FBXL7: variants seen among roughly 807,000 people sequenced by gnomAD.
FBXL7 encodes the protein F-box/LRR-repeat protein 7.
In FBXL7, 12 loss-of-function variants were observed where a neutral mutation model predicts 38.3. The observed-to-expected ratio is 0.31, with a 90% confidence interval of 0.20 to 0.51. The LOEUF (loss-of-function observed/expected upper bound fraction) is 0.51, where lower values mean the gene tolerates loss of function less well. FBXL7 is among the 20% of genes least tolerant of loss of function. The probability of loss-of-function intolerance (pLI) is 0.98; values close to 1 mark genes in which losing one functional copy is unlikely to be tolerated. For synonymous variants in FBXL7, 297 were observed against 300.9 expected (o/e 0.99, Z 0.13); for missense variants, 567 against 676.4 (o/e 0.84, Z 1.79).
chr5:15,673,065 G>A (rs572606604), intron 2 of FBXL7, among the ~76,000 whole-genome samples: 67 of 152,044 alleles, frequency 4.4e-4, no homozygotes, highest in Middle Eastern at 3.4e-3. Context: ...AGTGGCTCAC[G>A]CCTGTAATCC....
chr5:15,864,756 G>C (rs1321404591), intron 2 of FBXL7, among the ~76,000 whole-genome samples: 1 of 152,180 alleles, frequency 6.6e-6, no homozygotes, highest in Non-Finnish European at 1.5e-5. Flanking sequence ...GGTTTACGTT[G>C]CAGTAGAATA....
intron 2 of FBXL7, among the ~76,000 whole-genome samples, chr5:15,639,773 T>A (rs1741299559): frequency 6.6e-6 from 1 of 151,498 alleles, no homozygotes; most frequent in Admixed American, 6.6e-5. Context: ...CAATGAACAT[T>A]ATTCTTAATA....
intron 2 of FBXL7, among the ~76,000 whole-genome samples, chr5:15,623,512 T>C (rs550457667): frequency 1.3e-5 from 2 of 152,362 alleles, no homozygotes; most frequent in South Asian, 4.1e-4. Flanking sequence ...TGAGTTCTCA[T>C]GTTTTCAGTG....
intron 2 of FBXL7, among the ~76,000 whole-genome samples, chr5:15,765,149 C>G (rs955848319): frequency 6.6e-6 from 1 of 152,070 alleles, no homozygotes; most frequent in African/African-American, 2.4e-5. Flanking sequence ...TGTAAAAACC[C>G]TTCTTGGTGC....
intron 2 of FBXL7, among the ~76,000 whole-genome samples, chr5:15,840,768 A>C (rs1738724711): frequency 6.7e-6 from 1 of 149,672 alleles, no homozygotes; most frequent in African/African-American, 2.5e-5. Flanking sequence ...AATCGCTTGA[A>C]CCCAGGAGGT....
At position 15,928,037 on chromosome 5, in the gene FBXL7, C is replaced by A; in HGVS notation, c.275C>A (p.Pro92His). The A allele has an allele frequency of 1.8e-6, 1 of 549,260 alleles. No individual in the cohort carries two copies. Among genetic ancestry groups the A allele is most frequent in the South Asian group, 1.4e-5 (1 of 70,528 alleles). 34.0% of individuals were successfully genotyped at this position (549,260 alleles called of 1,614,324 possible). ...ACGGTGGCCATGGTGCACTCCCCGC[C>A]CCCGACCCGCCTCACACACCCGCTC... ...GETVAMVHSPPPTRLTHPLIR... is the reference protein window; with the variant it reads ...GETVAMVHSPHPTRLTHPLIR... The change falls in exon 3 of 4, where the codon CCC becomes CAC. Residue 92 changes from proline to histidine, a missense_variant. Coordinates refer to ENST00000504595, the MANE Select transcript of FBXL7 (RefSeq NM_012304.5). The surrounding 1 kb of genome is among the most constrained non-coding windows in gnomAD (Gnocchi z 4.0).
chr5:15,761,951 T>C (rs1451559976), intron 2 of FBXL7, among the ~76,000 whole-genome samples: 4 of 152,252 alleles, frequency 2.6e-5, no homozygotes, highest in Admixed American at 6.5e-5. Flanking sequence ...TATCAATTGC[T>C]GTGTAACAAA....
intron 1 of FBXL7, among the ~76,000 whole-genome samples, chr5:15,597,987 G>A (rs562455227): frequency 1.4e-4 from 21 of 152,294 alleles, no homozygotes; most frequent in African/African-American, 5.1e-4. Flanking sequence ...TTTTATAGAA[G>A]CCAGACCTTT....
intron 2 of FBXL7, among the ~76,000 whole-genome samples, chr5:15,825,735 A>G (rs1738293000): frequency 6.6e-6 from 1 of 152,200 alleles, no homozygotes; most frequent in East Asian, 1.9e-4. Context: ...CCCTGTTCTC[A>G]TATGGTTTTT....
chr5:15,936,731 G>A lies in FBXL7; in HGVS notation c.1021G>A (p.Gly341Ser), dbSNP rs572203316. Residue 341 changes from glycine (G) to serine (S), a missense_variant, in exon 4 of 4, where the codon GGC becomes AGC. By Grantham distance (56) the Gly-to-Ser change is moderately conservative. Coordinates refer to ENST00000504595, the MANE Select transcript of FBXL7 (RefSeq NM_012304.5). This position sits in a 1 kb window ranked among gnomAD's most constrained non-coding sequence, Gnocchi z 6.0. ...VSDCRFVSDF[G>S]LREIAKLESR... is the part of the protein sequence containing the mutation. ...CGACTGCCGCTTCGTCAGCGACTTC[G>A]GCCTGCGGGAGATCGCCAAGCTGGA... 3 of 1,608,914 alleles carry A rather than the reference G, an allele frequency of 1.9e-6. No individual in the cohort carries two copies. Among genetic ancestry groups the A allele is most frequent in the East Asian group, 2.2e-5 (1 of 44,820 alleles).
rs560323006 is a variant in FBXL7 at position 15,523,930 on chromosome 5, T to A, written c.37+23217T>A. On this transcript the variant is annotated intron_variant, in intron 1 of 3. Transcript: ENST00000504595. ...GGGGAGAATGGATTTTGCAGAAGAATCAGAAGTTTTACAGTATGAGCTAAT... is the reference window on the plus strand; with the variant it reads ...GGGGAGAATGGATTTTGCAGAAGAAACAGAAGTTTTACAGTATGAGCTAAT... Among the ~76,000 whole-genome samples, 43 of 152,312 alleles carry A rather than the reference T, an allele frequency of 2.8e-4. No homozygotes were observed. In the South Asian group the frequency reaches 8.3e-3, roughly 29 times the overall value.
intron 2 of FBXL7, among the ~76,000 whole-genome samples, chr5:15,712,054 C>T (rs761441031): frequency 2.0e-5 from 3 of 152,176 alleles, no homozygotes; most frequent in Non-Finnish European, 4.4e-5. Flanking sequence ...ATCATCACAG[C>T]ATATGCAGTC....
intron 2 of FBXL7, among the ~76,000 whole-genome samples, chr5:15,918,938 T>G (rs999826097): frequency 1.3e-5 from 2 of 152,248 alleles, no homozygotes; most frequent in African/African-American, 4.8e-5. Context: ...ATGCCTTAAG[T>G]AGGTTCTAGG....
intron 2 of FBXL7, among the ~76,000 whole-genome samples, chr5:15,895,500 G>A (rs1366907840): frequency 6.6e-6 from 1 of 152,038 alleles, no homozygotes; most frequent in Admixed American, 6.5e-5. Context: ...TAAAGAAGGT[G>A]CTATAAGCTA....
intron 2 of FBXL7, among the ~76,000 whole-genome samples, chr5:15,669,183 T>G (rs1273048288): frequency 6.6e-6 from 1 of 152,168 alleles, no homozygotes; most frequent in Non-Finnish European, 1.5e-5. Context: ...TATCAATAAT[T>G]TTTTTTAAAA....
chr5:15,781,432 AGTGTGTGTGTGTGTGTGCGCGCGC>A (rs1736988864), intron 2 of FBXL7, among the ~76,000 whole-genome samples: 1 of 143,658 alleles, frequency 7.0e-6, no homozygotes, highest in Admixed American at 6.8e-5. Context: ...AAATTGTGTG[AGTGTGTGTGTGTGTGTGCGCGCGC>A]GTGTGTGTGT....
At chr5:15,555,546 T>C (rs1738203135) in intron 1 of FBXL7, among the ~76,000 whole-genome samples, 1 of 152,172 alleles carries the variant, frequency 6.6e-6, no homozygotes. Flanking sequence ...CCCTCCATGA[T>C]TTTCTTGGCT....
intron 2 of FBXL7, among the ~76,000 whole-genome samples, chr5:15,722,090 C>T (rs1744211738): frequency 6.6e-6 from 1 of 152,286 alleles, no homozygotes; most frequent in African/African-American, 2.4e-5. Context: ...GCCTTGGCCT[C>T]CTAAAGTGCT....
intron 1 of FBXL7, among the ~76,000 whole-genome samples, chr5:15,612,209 G>T (rs746076128): frequency 6.6e-5 from 9 of 136,538 alleles, no homozygotes; most frequent in Admixed American, 5.8e-4. Flanking sequence ...GATTTCACTG[G>T]GGGTGGGGTA....
Sources: allele counts gnomAD v4.1 joint callset (sites outside exome capture counted in the v4.1 genomes callset), GRCh38; gene constraint gnomAD v4.1.1; non-coding constraint Gnocchi (gnomAD v3.1); transcripts MANE v1.5; gene names NCBI Gene and HGNC (gene_info 2026-07-23, HGNC 2026-07-21).